SHISA9: variants seen among roughly 807,000 people sequenced by gnomAD.
The protein encoded by SHISA9 is protein shisa-9.
A neutral mutation model predicts 38.0 loss-of-function variants in SHISA9; 13 were observed. That is an observed-to-expected ratio of 0.34 (90% confidence interval 0.22 to 0.54). The LOEUF is 0.54. SHISA9 is among the 20% of genes least tolerant of loss of function. The pLI is 0.91. For missense variants in SHISA9, 538 were observed against 575.8 expected (o/e 0.93, Z 0.67); for synonymous variants, 275 against 242.0 (o/e 1.14, Z -1.27).
chr16:13,138,458 G>A (rs1486924298), intron 2 of SHISA9, among the ~76,000 whole-genome samples: 1 of 152,118 alleles, frequency 6.6e-6, no homozygotes, highest in African/African-American at 2.4e-5. Flanking sequence ...AACAGGGGCG[G>A]CATCTTCATC....
chr16:13,017,603 T>C (rs992557250), intron 2 of SHISA9, among the ~76,000 whole-genome samples: 3 of 121,624 alleles, frequency 2.5e-5, no homozygotes, highest in African/African-American at 8.3e-5. Context: ...GTGTCAATCA[T>C]ATGCAGGCAC....
intron 2 of SHISA9, among the ~76,000 whole-genome samples, chr16:13,162,909 T>A (rs1220338156): frequency 1.3e-5 from 2 of 152,186 alleles, no homozygotes; most frequent in African/African-American, 2.4e-5. Context: ...CGTTATCCTG[T>A]TCACCAAAGG....
chr16:13,382,165 C>T, the SHISA9 span, among the ~76,000 whole-genome samples: 1 of 152,144 alleles, frequency 6.6e-6, no homozygotes, highest in Admixed American at 6.5e-5. Context: ...TTTCATTTAG[C>T]ATTTCTACAA....
the SHISA9 span, among the ~76,000 whole-genome samples, chr16:13,321,606 G>C: frequency 6.6e-6 from 1 of 152,162 alleles, no homozygotes; most frequent in Non-Finnish European, 1.5e-5. Context: ...GATTGTAAAG[G>C]CTGAGGGAAA....
the SHISA9 span, among the ~76,000 whole-genome samples, chr16:13,450,202 A>G: frequency 5.7e-4 from 87 of 152,318 alleles, no homozygotes; most frequent in African/African-American, 2.0e-3. Context: ...ACCTCAGGTA[A>G]TTAACTTTTC....
At chr16:13,202,012 A>G (rs1269558505) in intron 2 of SHISA9, among the ~76,000 whole-genome samples, 1 of 112,406 alleles carries the variant, frequency 8.9e-6, no homozygotes, top group East Asian at 2.2e-4. Context: ...CATACTTTCC[A>G]CCTCAAAGTG....
the SHISA9 span, among the ~76,000 whole-genome samples, chr16:13,389,534 C>A: frequency 6.6e-6 from 1 of 152,092 alleles, no homozygotes; most frequent in African/African-American, 2.4e-5. Context: ...ATTTCATTGT[C>A]TGGATGTACC....
intron 2 of SHISA9, among the ~76,000 whole-genome samples, chr16:13,062,956 C>T (rs1168992484): frequency 6.9e-6 from 1 of 145,068 alleles, no homozygotes; most frequent in Non-Finnish European, 1.5e-5. Flanking sequence ...CCTGGGCGTG[C>T]TTTCGGACGC....
the SHISA9 span, among the ~76,000 whole-genome samples, chr16:13,341,880 A>T: frequency 6.6e-6 from 1 of 152,174 alleles, no homozygotes; most frequent in Non-Finnish European, 1.5e-5. Flanking sequence ...TGGATTCATT[A>T]TTTATCTCTG....
the SHISA9 span, among the ~76,000 whole-genome samples, chr16:13,272,069 C>T: frequency 2.3e-4 from 30 of 129,846 alleles, no homozygotes; most frequent in East Asian, 6.2e-3. Flanking sequence ...AAAACTTCAT[C>T]TCAAAATTAA....
At chr16:13,255,356 C>G in the SHISA9 span, among the ~76,000 whole-genome samples, 1 of 152,136 alleles carries the variant, frequency 6.6e-6, no homozygotes, top group Non-Finnish European at 1.5e-5. Flanking sequence ...CACATTCTCT[C>G]TGTTTGACCT....
the SHISA9 span, among the ~76,000 whole-genome samples, chr16:13,412,878 T>C: frequency 4.7e-5 from 7 of 149,870 alleles, no homozygotes; most frequent in African/African-American, 1.7e-4. Flanking sequence ...AACAAACAAA[T>C]AAACAAACAA....
the SHISA9 span, among the ~76,000 whole-genome samples, chr16:13,416,783 G>T: frequency 1.1e-5 from 1 of 87,996 alleles, no homozygotes; most frequent in Non-Finnish European, 2.4e-5. Flanking sequence ...AGGGAAGGAA[G>T]GAAGGAAGGG....
the SHISA9 span, among the ~76,000 whole-genome samples, chr16:13,509,421 G>A: frequency 6.6e-6 from 1 of 152,142 alleles, no homozygotes; most frequent in Admixed American, 6.5e-5. Flanking sequence ...AGATGAACCT[G>A]AATAAGGCAG....
the SHISA9 span, among the ~76,000 whole-genome samples, chr16:13,552,638 T>A: frequency 6.6e-6 from 1 of 152,192 alleles, no homozygotes; most frequent in Non-Finnish European, 1.5e-5. Flanking sequence ...CGGATGACGC[T>A]GCTATTTAAA....
chr16:13,494,946 C>T, the SHISA9 span, among the ~76,000 whole-genome samples: 2 of 152,160 alleles, frequency 1.3e-5, no homozygotes, highest in Non-Finnish European at 2.9e-5. Context: ...ATGTCCAGGA[C>T]GTTGCGCCTT....
At chr16:13,204,612 C>T (rs1380151090) in intron 3 of SHISA9, among the ~76,000 whole-genome samples, 1 of 152,218 alleles carries the variant, frequency 6.6e-6, no homozygotes, top group Non-Finnish European at 1.5e-5. Context: ...CTATCCCAGG[C>T]AACTTCTGCT....
At chr16:13,092,828 C>A (rs1301990109) in intron 2 of SHISA9, among the ~76,000 whole-genome samples, 3 of 152,176 alleles carry the variant, frequency 2.0e-5, no homozygotes, top group Non-Finnish European at 2.9e-5. Flanking sequence ...TGGTCTCCAC[C>A]CACTGTCTGA....
At chr16:13,272,922 T>C in the SHISA9 span, among the ~76,000 whole-genome samples, 1 of 152,172 alleles carries the variant, frequency 6.6e-6, no homozygotes, top group Admixed American at 6.5e-5. Context: ...CTCACTGATA[T>C]TTTTTCTCTC....
Sources: gnomAD v4.1 joint callset for allele counts (sites outside exome capture counted in the v4.1 genomes callset) on GRCh38, gnomAD v4.1.1 for gene constraint, MANE v1.5 for transcripts, NCBI Gene and HGNC (gene_info 2026-07-23, HGNC 2026-07-21) for gene names.